The following ITGB3 variants were observed in gnomAD, a reference collection of about 807,000 sequenced individuals.
The protein encoded by ITGB3 is integrin beta-3.
ITGB3 carries 48 observed loss-of-function variants against 85.8 expected under a neutral mutation model. The observed-to-expected ratio is 0.56, with a 90% CI of 0.44 to 0.71. ITGB3 has a LOEUF of 0.71. ITGB3 is among the 30% of genes least tolerant of loss of function. The pLI is 0.00. For synonymous variants in ITGB3, 363 were observed against 395.6 expected, an observed-to-expected ratio of 0.92 and a Z score of 0.98; for missense variants, 861 against 1,019.1, an observed-to-expected ratio of 0.84 and a Z score of 2.11.
intron 1 of ITGB3, among the ~76,000 whole-genome samples, chr17:47,273,372 A>G (rs185763068): frequency 7.4e-4 from 112 of 152,310 alleles, no homozygotes; most frequent in African/African-American, 2.6e-3. Context: ...TCTGCTCCTT[A>G]TATTGGAAAA....
intron 1 of ITGB3, among the ~76,000 whole-genome samples, chr17:47,267,993 G>C (rs1044110710): frequency 4.6e-5 from 7 of 152,174 alleles, no homozygotes; most frequent in Non-Finnish European, 1.0e-4. Flanking sequence ...AATCATGGTG[G>C]AAGGGGAAGC....
intron 13 of ITGB3, 72 bp from the exon 14 acceptor site, chr17:47,307,399 C>G: frequency 1.9e-6 from 3 of 1,556,650 alleles, no homozygotes; most frequent in Non-Finnish European, 2.7e-6. Flanking sequence ...GTCAAGAACA[C>G]CTTTTTCATA....
rs2065157390 is a variant in ITGB3 at position 47,299,375 on chromosome 17, T to C, written c.1758T>C (p.Cys586=). ...ACTGGACCGGCTACTACTGCAACTG[T>C]ACCACGCGTACTGACACCTGCATGT... ...DSDWTGYYCN[C]TTRTDTCMSS... Residue 586 remains cysteine, a synonymous_variant, in exon 11 of 15, where the codon TGT becomes TGC. Transcript: ENST00000559488. This position sits in a 1 kb window ranked among gnomAD's most constrained non-coding sequence, Gnocchi z 5.1. The C allele has an allele frequency of 1.2e-6, 2 of 1,614,220 alleles. No individual in the cohort carries two copies. The highest frequency in any genetic ancestry group is 4.5e-5 in the East Asian group (2 of 44,888).
chr17:47,267,004 C>T, intron 1 of ITGB3, among the ~76,000 whole-genome samples: 1 of 152,182 alleles, frequency 6.6e-6, no homozygotes, highest in East Asian at 1.9e-4. Flanking sequence ...AACGTCATGT[C>T]TAGTGTCCCC....
intron 1 of ITGB3, among the ~76,000 whole-genome samples, chr17:47,272,766 T>C (rs957665905): frequency 7.4e-6 from 1 of 135,994 alleles, no homozygotes; most frequent in South Asian, 2.3e-4. Context: ...TTCCTTCCTT[T>C]CTTTCTTTCC....
At chr17:47,286,212 C>T in intron 4 of ITGB3, 48 bp from the exon 5 acceptor site, 1 of 1,606,548 alleles carries the variant, frequency 6.2e-7, no homozygotes, top group Middle Eastern at 1.7e-4. Flanking sequence ...TCCCATGCTG[C>T]CTTTTCCATG....
intron 1 of ITGB3, among the ~76,000 whole-genome samples, chr17:47,260,083 T>G (rs1267759720): frequency 1.3e-5 from 2 of 152,102 alleles, no homozygotes; most frequent in East Asian, 3.9e-4. Flanking sequence ...TTTGTGTGTG[T>G]GTGTGTATTC....
chr17:47,287,911 CTTTTTTTTTTTTTTT>C lies in ITGB3; in HGVS notation c.939+698_939+712del, dbSNP rs60463106. 3.6e-4 allele frequency among the ~76,000 whole-genome samples: 20 copies of C among 55,400 alleles called. No individual in the cohort carries two copies. The East Asian group carries it at 0.013, about 35-fold the overall frequency. The allele number at this position is 55,400 out of a possible 152,430, so 36.3% of individuals were successfully genotyped here. ...AGTGACAGAGCAAGAACCACCCCTG[CTTTTTTTTTTTTTTT>C]TTTTTTTTTTTTTTTTTGATACAGA... On this transcript the variant is annotated intron_variant, in intron 6 of 14. Transcript: ENST00000559488.
At chr17:47,270,161 AC>A (rs2143056424) in intron 1 of ITGB3, among the ~76,000 whole-genome samples, 1 of 152,332 alleles carries the variant, frequency 6.6e-6, no homozygotes, top group South Asian at 2.1e-4. Context: ...GATTATGGGT[AC>A]TACAGTTCAA....
chr17:47,268,768 C>G (rs1043714373), intron 1 of ITGB3, among the ~76,000 whole-genome samples: 18 of 152,204 alleles, frequency 1.2e-4, no homozygotes, highest in Non-Finnish European at 2.5e-4. Context: ...ATTCTGGGGT[C>G]TGGAGGATGG....
chr17:47,310,468 C>T lies in ITGB3; in HGVS notation c.*264C>T. 1.8e-6 allele frequency: 1 copy of T among 545,874 alleles called. No individual in the cohort carries two copies. Among genetic ancestry groups the T allele is most frequent in the Non-Finnish European group, 3.4e-6 (1 of 294,586 alleles). 33.8% of individuals were successfully genotyped at this position (545,874 alleles called of 1,614,324 possible). A position where few individuals can be genotyped will look rare whatever the true frequency, so the allele number is the denominator to read the frequency against. ...AAGCTGAGCTCCTTAGCCTTTGTCC[C>T]AGAATGCCTCCTGCAGGGATTCTTC... On this transcript the variant is annotated 3_prime_UTR_variant, in exon 15 of 15. Coordinates refer to ENST00000559488, the MANE Select transcript of ITGB3 (RefSeq NM_000212.3).
intron 10 of ITGB3, among the ~76,000 whole-genome samples, chr17:47,295,423 C>T (rs972005286): frequency 1.3e-5 from 2 of 152,150 alleles, no homozygotes; most frequent in African/African-American, 4.8e-5. Flanking sequence ...TTCCACTCTT[C>T]ATTTCTTACT....
chr17:47,298,030 A>T (rs2065152118), intron 10 of ITGB3, among the ~76,000 whole-genome samples: 1 of 152,214 alleles, frequency 6.6e-6, no homozygotes, highest in Admixed American at 6.5e-5. Context: ...GCACTCCCAG[A>T]TATGATATGA....
At chr17:47,274,143 C>G (rs2065054673) in intron 1 of ITGB3, among the ~76,000 whole-genome samples, 1 of 152,220 alleles carries the variant, frequency 6.6e-6, no homozygotes, top group Admixed American at 6.5e-5. Context: ...CAGTTACGAT[C>G]TGAGACTTGC....
chr17:47,286,368 C>T lies in ITGB3; in HGVS notation c.723C>T (p.Asn241=). ...EEVKKQSVSR[N]RDAPEGGFDA... ...TGAAGAAGCAGAGTGTGTCACGGAACCGAGATGCCCCAGAGGGTGGCTTTG... is the reference window on the plus strand; with the variant it reads ...TGAAGAAGCAGAGTGTGTCACGGAATCGAGATGCCCCAGAGGGTGGCTTTG... Residue 241 remains asparagine (N), a synonymous_variant, in exon 5 of 15, where the codon AAC becomes AAT. Coordinates refer to ENST00000559488, the MANE Select transcript of ITGB3 (RefSeq NM_000212.3). 6.2e-7 allele frequency: 1 copy of T among 1,614,168 alleles called. No homozygotes were observed. The highest frequency in any genetic ancestry group is 1.1e-5 in the South Asian group (1 of 91,080).
In ITGB3 at chr17:47,302,751, C is replaced by T. The variant is rs773804219; in HGVS notation, c.2045C>T (p.Thr682Ile). Residue 682 changes from threonine to isoleucine, a missense_variant, in exon 13 of 15, where the codon ACC (threonine) becomes ATC (isoleucine). By Grantham distance (89) the Thr-to-Ile change is moderately conservative. Transcript: ENST00000559488. ...ACTGGCAAGGATGCAGTGAATTGTA[C>T]CTATAAGAATGAGGATGACTGTGTC... ...KDTGKDAVNCTYKNEDDCVVR... is the reference protein window; with the variant it reads ...KDTGKDAVNCIYKNEDDCVVR... 22 of 1,613,914 alleles carry T rather than the reference C, an allele frequency of 1.4e-5. No individual in the cohort carries two copies. The highest frequency in any genetic ancestry group is 1.3e-5 in the African/African-American group (1 of 74,910).
chr17:47,291,067 G>C lies in ITGB3; in HGVS notation c.1239G>C (p.Met413Ile), dbSNP rs1318397688. The change falls in exon 9 of 15, where the codon ATG becomes ATC. Residue 413 changes from methionine (M) to isoleucine (I), a missense_variant. Transcript: ENST00000559488. ...NEVIPGLKSCMGLKIGDTVSF... is the reference protein window; with the variant it reads ...NEVIPGLKSCIGLKIGDTVSF... Reference sequence around the variant, plus strand: ...TCATCCCTGGCCTCAAGTCTTGTATGGGACTCAAGATTGGAGACACGGTGA... The same window carrying C: ...TCATCCCTGGCCTCAAGTCTTGTATCGGACTCAAGATTGGAGACACGGTGA... 6.2e-7 allele frequency: 1 copy of C among 1,614,156 alleles called. No homozygotes were observed. Among genetic ancestry groups the C allele is most frequent in the Non-Finnish European group, 8.5e-7 (1 of 1,180,030 alleles).
chr17:47,274,209 G>A (rs1240414859), intron 1 of ITGB3, among the ~76,000 whole-genome samples: 1 of 152,222 alleles, frequency 6.6e-6, no homozygotes, highest in Non-Finnish European at 1.5e-5. Context: ...CATCAGTTGA[G>A]AGCGGTGATG....
In ITGB3 at chr17:47,302,889, G is replaced by A. The variant is rs768241163; in HGVS notation, c.2134+49G>A. ...GGCCCTGCCCCAGGAGGGAGAGGGA[G>A]AACCATGTTAGGCAGGAATCTCTAC... On this transcript the variant is annotated intron_variant, in intron 13 of 14. Transcript: ENST00000559488. 8.1e-6 allele frequency: 13 copies of A among 1,609,668 alleles called. No homozygotes were observed. In the African/African-American group the frequency reaches 1.7e-4, roughly 22 times the overall value.
Sources: allele counts gnomAD v4.1 joint callset (sites outside exome capture counted in the v4.1 genomes callset), GRCh38; gene constraint gnomAD v4.1.1; non-coding constraint Gnocchi (gnomAD v3.1); transcripts MANE v1.5; gene names NCBI Gene and HGNC (gene_info 2026-07-23, HGNC 2026-07-21).